TUBGCP3: variants seen among roughly 807,000 people sequenced by gnomAD.
The protein encoded by TUBGCP3 is gamma-tubulin complex component 3.
Under a neutral mutation model 123.1 loss-of-function variants are expected in TUBGCP3, and 50 were observed. The ratio of observed to expected loss-of-function variants is 0.41; its 90% CI spans 0.32 to 0.51. The LOEUF is 0.51. Ranked by LOEUF, TUBGCP3 falls within the 20% of genes least tolerant of loss-of-function variation. The pLI is 0.36. For synonymous variants in TUBGCP3, 405 were observed against 413.9 expected (o/e 0.98, Z 0.26); for missense variants, 882 against 1,127.0 (o/e 0.78, Z 3.11).
In TUBGCP3 at chr13:112,485,961, T is replaced by A. The variant is rs546419834; in HGVS notation, c.*32A>T. ...TTCGTGTCTAGCAGTGCAACGAACATCACCCGCAGCTCCCTGGGAGGACCG... is the reference window on the plus strand; with the variant it reads ...TTCGTGTCTAGCAGTGCAACGAACAACACCCGCAGCTCCCTGGGAGGACCG... On this transcript the variant is annotated 3_prime_UTR_variant, in exon 22 of 22. Transcript: ENST00000261965. 459 of 1,450,036 alleles carry A rather than the reference T, an allele frequency of 3.2e-4. 3 individuals are homozygous for A. The South Asian group carries it at 5.4e-3, about 17-fold the overall frequency. The allele number at this position is 1,450,036 out of a possible 1,614,324, so 89.8% of individuals were successfully genotyped here.
At chr13:112,521,933 G>C (rs2139068630) in intron 14 of TUBGCP3, 1 of 647,062 alleles carries the variant, frequency 1.5e-6, no homozygotes, top group South Asian at 6.8e-5. Flanking sequence ...ATTTTTAGGT[G>C]AACATTAACT....
chr13:112,604,263 G>A, the TUBGCP3 span: 2 of 152,070 alleles, frequency 1.3e-5, no homozygotes, highest in Non-Finnish European at 2.9e-5. Flanking sequence ...GTATCTTTTA[G>A]TTTGAGAAAC....
chr13:112,520,126 A>G lies in TUBGCP3; in HGVS notation c.1746-105T>C. 3 of 1,163,840 alleles carry G rather than the reference A, an allele frequency of 2.6e-6. No homozygotes were observed. The South Asian group carries it at 5.1e-5, about 20-fold the overall frequency. 72.1% of individuals were successfully genotyped at this position (1,163,840 alleles called of 1,614,324 possible). ...GTAAGAGTTCAAATTATAAAAACTCAAAAGACAAATGGGACCAATACAATA... is the reference window on the plus strand; with the variant it reads ...GTAAGAGTTCAAATTATAAAAACTCGAAAGACAAATGGGACCAATACAATA... On this transcript the variant is annotated intron_variant, in intron 14 of 21. Transcript: ENST00000261965.
chr13:112,545,649 G>A lies in TUBGCP3; in HGVS notation c.1335+50C>T, dbSNP rs773808405. ...GGGAAAAATGAAACAGCATAACTGC[G>A]TGCCCATGCTTTTTAAATCCAAGTC... On this transcript the variant is annotated intron_variant, in intron 11 of 21. Coordinates refer to ENST00000261965, the MANE Select transcript of TUBGCP3 (RefSeq NM_006322.6). The surrounding 1 kb of genome is among the most constrained non-coding windows in gnomAD (Gnocchi z 4.1). 1.9e-5 allele frequency: 30 copies of A among 1,594,758 alleles called. No individual in the cohort carries two copies. The highest frequency in any genetic ancestry group is 1.7e-4 in the Middle Eastern group (1 of 6,002).
chr13:112,518,007 A>C (rs1876294991), intron 16 of TUBGCP3, among the ~76,000 whole-genome samples: 1 of 152,222 alleles, frequency 6.6e-6, no homozygotes, highest in African/African-American at 2.4e-5. Flanking sequence ...TTTGAATATG[A>C]TGAGAAATTA....
intron 1 of TUBGCP3, among the ~76,000 whole-genome samples, chr13:112,571,000 A>G (rs1881349169): frequency 6.6e-6 from 1 of 152,164 alleles, no homozygotes; most frequent in Admixed American, 6.5e-5. Flanking sequence ...TTACCTCTTC[A>G]AGATCCTCTT....
At chr13:112,503,821 TTAGAG>T (rs1566536689) in intron 19 of TUBGCP3, among the ~76,000 whole-genome samples, 1 of 152,192 alleles carries the variant, frequency 6.6e-6, no homozygotes, top group African/African-American at 2.4e-5. Context: ...TACATCCAGT[TTAGAG>T]TATATTCTTG....
At chr13:112,555,063 A>G (rs1013662780) in intron 6 of TUBGCP3, 58 bp from the exon 7 acceptor site, 33 of 1,102,930 alleles carry the variant, frequency 3.0e-5, no homozygotes, top group Non-Finnish European at 4.4e-5. Flanking sequence ...CAGACAATAG[A>G]TATTATGGTG....
intron 13 of TUBGCP3, among the ~76,000 whole-genome samples, chr13:112,523,599 G>A (rs191580725): frequency 4.1e-4 from 63 of 152,204 alleles, no homozygotes; most frequent in African/African-American, 1.1e-3. Context: ...ATTGATCTAC[G>A]TAGTTTTAAT....
At chr13:112,560,289 G>A (rs1880399565) in intron 3 of TUBGCP3, among the ~76,000 whole-genome samples, 1 of 151,832 alleles carries the variant, frequency 6.6e-6, no homozygotes, top group Non-Finnish European at 1.5e-5. Flanking sequence ...AATTAGCTGG[G>A]CGTAGTGGCG....
chr13:112,514,516 A>G (rs1875905736), intron 17 of TUBGCP3, among the ~76,000 whole-genome samples: 1 of 152,154 alleles, frequency 6.6e-6, no homozygotes, highest in South Asian at 2.1e-4. Context: ...CTCATCAATC[A>G]TTTTAAAAGC....
intron 1 of TUBGCP3, among the ~76,000 whole-genome samples, chr13:112,577,469 C>T (rs903803680): frequency 6.6e-6 from 1 of 151,504 alleles, no homozygotes; most frequent in Non-Finnish European, 1.5e-5. Flanking sequence ...TTCTCAAGAT[C>T]ATGAAAAAAA....
rs572122588 is a variant in TUBGCP3 at position 112,565,022 on chromosome 13, T to C, written c.252+89A>G. The C allele has an allele frequency of 6.5e-5, 77 of 1,178,822 alleles. No homozygotes were observed. In the African/African-American group the frequency reaches 1.1e-3, roughly 17 times the overall value. The allele number at this position is 1,178,822 out of a possible 1,614,324, so 73.0% of individuals were successfully genotyped here. ...TTACCAATTATAGAAAAGTTTAATATGATACCACAAAAAACATTCAAAGGT... is the reference window on the plus strand; with the variant it reads ...TTACCAATTATAGAAAAGTTTAATACGATACCACAAAAAACATTCAAAGGT... On this transcript the variant is annotated intron_variant, in intron 3 of 21. Transcript: ENST00000261965.
At chr13:112,550,959 C>T (rs200575268) in intron 8 of TUBGCP3, among the ~76,000 whole-genome samples, 3 of 152,114 alleles carry the variant, frequency 2.0e-5, no homozygotes, top group African/African-American at 4.8e-5. Flanking sequence ...ATTAGCCGGG[C>T]GTGGTGGTGG....
intron 20 of TUBGCP3, among the ~76,000 whole-genome samples, chr13:112,491,371 T>C (rs554638684): frequency 1.3e-5 from 2 of 152,316 alleles, no homozygotes; most frequent in East Asian, 3.9e-4. Flanking sequence ...TTGACCCATT[T>C]CTGCTTGTTT....
Position 112,522,431 on chromosome 13 carries a change from AGGTATTTGCT to A in TUBGCP3, c.1624_1633del (p.Ser542CysfsTer18), listed in dbSNP as rs1276931600. 1.9e-6 allele frequency: 3 copies of A among 1,614,034 alleles called. No individual in the cohort carries two copies. The highest frequency in any genetic ancestry group is 2.5e-6 in the Non-Finnish European group (3 of 1,180,004). On this transcript the variant is annotated frameshift_variant, in exon 14 of 22. Coordinates refer to ENST00000261965, the MANE Select transcript of TUBGCP3 (RefSeq NM_006322.6). LOFTEE classifies it high-confidence loss of function. Reference sequence around the variant, plus strand: ...GTACTTTTTATTGAGAACATCCAACAGGTATTTGCTGGTCTCAAAATAAGCAGCATCAATC... The same window carrying A: ...GTACTTTTTATTGAGAACATCCAACAGGTCTCAAAATAAGCAGCATCAATC...
intron 8 of TUBGCP3, among the ~76,000 whole-genome samples, chr13:112,553,208 G>A (rs1879734760): frequency 6.7e-6 from 1 of 149,312 alleles, no homozygotes; most frequent in African/African-American, 2.5e-5. Flanking sequence ...TTACCCACCG[G>A]CCACGTTCCT....
chr13:112,573,724 C>T (rs187966244), intron 1 of TUBGCP3, among the ~76,000 whole-genome samples: 9 of 152,312 alleles, frequency 5.9e-5, no homozygotes, highest in African/African-American at 1.9e-4. Flanking sequence ...GGAGCTGGTG[C>T]CAGGGTGGGA....
intron 10 of TUBGCP3, chr13:112,546,130 A>G: frequency 2.7e-6 from 1 of 376,324 alleles, no homozygotes; most frequent in Admixed American, 3.8e-5. Flanking sequence ...AGAAACAAAA[A>G]GTAGCAAAAA....
Sources: gnomAD v4.1 joint callset for allele counts (sites outside exome capture counted in the v4.1 genomes callset) on GRCh38, gnomAD v4.1.1 for gene constraint, Gnocchi (gnomAD v3.1) non-coding constraint, MANE v1.5 for transcripts, NCBI Gene and HGNC (gene_info 2026-07-23, HGNC 2026-07-21) for gene names.